Variants in COA4 observed in about 807,000 individuals in gnomAD.
COA4 encodes the protein cytochrome c oxidase assembly factor 4 homolog, mitochondrial.
COA4 carries 8 observed loss-of-function variants against 7.3 expected under a neutral mutation model. The ratio of observed to expected loss-of-function variants is 1.10; its 90% CI spans 0.64 to 1.98. The LOEUF (loss-of-function observed/expected upper bound fraction) is 1.98. COA4 is among the 30% of genes most tolerant of loss of function. COA4 has a pLI of 0.00. For missense variants in COA4, 96 were observed against 111.2 expected (o/e 0.86, Z 0.62); for synonymous variants, 42 against 44.3 (o/e 0.95, Z 0.21).
In COA4 at chr11:73,876,813, C is replaced by T. The variant is rs1028624910; in HGVS notation, c.-73G>A. ...CGCTCCTACGCGGCGGCTTGGGTTT[C>T]GCAGGCGGTTGGGGATCCTCTGTAC... On this transcript the variant is annotated 5_prime_UTR_variant, in exon 1 of 2. Transcript: ENST00000355693. 1.4e-5 allele frequency: 6 copies of T among 441,672 alleles called. No individual in the cohort carries two copies. Among genetic ancestry groups the T allele is most frequent in the African/African-American group, 1.0e-4 (5 of 49,136 alleles). 27.4% of individuals were successfully genotyped at this position (441,672 alleles called of 1,614,324 possible).
In COA4 at chr11:73,873,187, G is replaced by T. The variant is rs754139076; in HGVS notation, c.192C>A (p.Cys64Ter). Residue 64 changes from cysteine (C) to a stop codon, truncating the protein, a stop_gained, in exon 2 of 2, where the codon TGC (cysteine) becomes TGA (stop). Coordinates refer to ENST00000355693, the MANE Select transcript of COA4 (RefSeq NM_016565.3). LOFTEE classifies it high-confidence loss of function. ...CQPQVQAFKD[C>*]MSEQQARRQE... ...GCCGCCTCGCCTGCTGTTCACTCAT[G>T]CAATCCTTGAACGCCTGCACCTGTG... is the stretch of plus-strand genomic sequence containing the variant. The T allele has an allele frequency of 3.1e-6, 5 of 1,614,076 alleles. No individual in the cohort carries two copies. In the African/African-American group the frequency reaches 6.7e-5, roughly 22 times the overall value.
rs1225914324 is a variant in COA4, at chr11:73,876,801, C to A, written c.-61G>T. Reference sequence around the variant, plus strand: ...GGCCCGAACGCACGCTCCTACGCGGCGGCTTGGGTTTCGCAGGCGGTTGGG... The same window carrying A: ...GGCCCGAACGCACGCTCCTACGCGGAGGCTTGGGTTTCGCAGGCGGTTGGG... On this transcript the variant is annotated 5_prime_UTR_variant, in exon 1 of 2. Coordinates refer to ENST00000355693, the MANE Select transcript of COA4 (RefSeq NM_016565.3). 2 of 413,714 alleles carry A rather than the reference C, an allele frequency of 4.8e-6. No homozygotes were observed. The highest frequency in any genetic ancestry group is 4.5e-5 in the Admixed American group (1 of 22,206). 25.6% of individuals were successfully genotyped at this position (413,714 alleles called of 1,614,324 possible). A position where few individuals can be genotyped will look rare whatever the true frequency, so the allele number is the denominator to read the frequency against.
chr11:73,875,222 G>A (rs974550418), intron 1 of COA4, among the ~76,000 whole-genome samples: 4 of 152,186 alleles, frequency 2.6e-5, no homozygotes, highest in Admixed American at 2.0e-4. Flanking sequence ...CATACAGAAG[G>A]AACTTAAGGT....
intron 1 of COA4, among the ~76,000 whole-genome samples, chr11:73,875,195 C>A (rs1353909658): frequency 6.6e-6 from 1 of 152,212 alleles, no homozygotes; most frequent in Non-Finnish European, 1.5e-5. Context: ...TGCATCAGAA[C>A]ACTCAGCAGA....
chr11:73,872,936 T>C lies in COA4; in HGVS notation c.*179A>G, dbSNP rs936656067. On this transcript the variant is annotated 3_prime_UTR_variant, in exon 2 of 2. Transcript: ENST00000355693. ...GCTGAGAATGTATGACATCTGACCA[T>C]GAACATATGACAGCTGTTTGTGCCA... 29 of 683,226 alleles carry C rather than the reference T, an allele frequency of 4.2e-5. No homozygotes were observed. In the African/African-American group the frequency reaches 4.9e-4, roughly 11 times the overall value. 42.3% of individuals were successfully genotyped at this position (683,226 alleles called of 1,614,324 possible). A position where few individuals can be genotyped will look rare whatever the true frequency, so the allele number is the denominator to read the frequency against.
At chr11:73,876,686 GCGCGCGGCCGCTGATCGCAGCC>G in intron 1 of COA4, 49 bp downstream of exon 1, 1 of 228,500 alleles carries the variant, frequency 4.4e-6, no homozygotes, top group Middle Eastern at 1.4e-3. Flanking sequence ...ACGCATGCGC[GCGCGCGGCCGCTGATCGCAGCC>G]CCGTTGTGCC....
intron 1 of COA4, 131 bp from the exon 2 acceptor site, chr11:73,873,525 G>T: frequency 7.6e-6 from 5 of 661,352 alleles, no homozygotes; most frequent in Non-Finnish European, 9.8e-6. Flanking sequence ...TAAGCTTGAA[G>T]ACAGATGCTT....
Position 73,872,970 on chromosome 11 carries a change from C to G in COA4, c.*145G>C. The G allele has an allele frequency of 9.8e-7, 1 of 1,024,280 alleles. No individual in the cohort carries two copies. The highest frequency in any genetic ancestry group is 1.4e-6 in the Non-Finnish European group (1 of 718,198). 63.4% of individuals were successfully genotyped at this position (1,024,280 alleles called of 1,614,324 possible). A position where few individuals can be genotyped will look rare whatever the true frequency, so the allele number is the denominator to read the frequency against. On this transcript the variant is annotated 3_prime_UTR_variant, in exon 2 of 2. Coordinates refer to ENST00000355693, the MANE Select transcript of COA4 (RefSeq NM_016565.3). Reference sequence around the variant, plus strand: ...GACAGCTGTTTGTGCCAGTCATGTCCAAACCCATGGCTCTCAACTCCAGAT... The same window carrying G: ...GACAGCTGTTTGTGCCAGTCATGTCGAAACCCATGGCTCTCAACTCCAGAT...
chr11:73,875,101 C>G (rs1948727035), intron 1 of COA4, among the ~76,000 whole-genome samples: 1 of 152,158 alleles, frequency 6.6e-6, no homozygotes, highest in African/African-American at 2.4e-5. Flanking sequence ...AGAAACCTGG[C>G]CTCTGGGTCT....
chr11:73,873,720 T>A (rs953552153), intron 1 of COA4: 2 of 312,806 alleles, frequency 6.4e-6, no homozygotes, highest in Non-Finnish European at 1.2e-5. Flanking sequence ...GGTTTTTCCA[T>A]GTTGCTCAGC....
chr11:73,873,543 T>C, intron 1 of COA4, 149 bp from the exon 2 acceptor site: 1 of 706,436 alleles, frequency 1.4e-6, no homozygotes, highest in Non-Finnish European at 2.3e-6. Flanking sequence ...CTTGTTTTTT[T>C]TTTTTTTTTT....
chr11:73,873,577 C>T (rs1948712536), intron 1 of COA4, 183 bp from the exon 2 acceptor site: 1 of 600,668 alleles, frequency 1.7e-6, no homozygotes, highest in Non-Finnish European at 2.9e-6. Flanking sequence ...GCTTTGTTGC[C>T]CAGGCTCACT....
In COA4 at chr11:73,873,199, C is replaced by T. The variant is rs368985349; in HGVS notation, c.180G>A (p.Ala60=). The T allele has an allele frequency of 4.3e-5, 69 of 1,614,110 alleles. No homozygotes were observed. The highest frequency in any genetic ancestry group is 5.3e-5 in the African/African-American group (4 of 74,938). Residue 60 remains alanine (A), a synonymous_variant, in exon 2 of 2, where the codon GCG becomes GCA. Transcript: ENST00000355693. ...DWRQCQPQVQ[A]FKDCMSEQQA... is the part of the protein sequence containing the mutation. ...GCTGTTCACTCATGCAATCCTTGAA[C>T]GCCTGCACCTGTGGCTGGCATTGCC...
chr11:73,873,672 C>CCA, intron 1 of COA4: 1 of 451,010 alleles, frequency 2.2e-6, no homozygotes, highest in Non-Finnish European at 3.9e-6. Flanking sequence ...GTGTGCATCA[C>CCA]CACTCAGCTA....
At chr11:73,876,231 C>T (rs1283378774) in intron 1 of COA4, 1 of 151,586 alleles carries the variant, frequency 6.6e-6, no homozygotes, top group Non-Finnish European at 1.5e-5. Context: ...ACACTGTTAA[C>T]TCTTTAAATA....
At chr11:73,876,711 G>A (rs890126643) in intron 1 of COA4, 46 bp downstream of exon 1, 1 of 275,074 alleles carries the variant, frequency 3.6e-6, no homozygotes, top group African/African-American at 2.2e-5. Flanking sequence ...TCGCAGCCCC[G>A]TTGTGCCCGC....
chr11:73,873,034 C>T lies in COA4; in HGVS notation c.*81G>A, dbSNP rs565642033. ...CCATGTTTTAGACCTCCCACACCAG[C>T]ATTTAGGATTTCTTCCTCTATAATC... On this transcript the variant is annotated 3_prime_UTR_variant, in exon 2 of 2. Transcript: ENST00000355693. 7 of 1,500,750 alleles carry T rather than the reference C, an allele frequency of 4.7e-6. No homozygotes were observed. The highest frequency in any genetic ancestry group is 2.2e-4 in the Middle Eastern group (1 of 4,610). The allele number at this position is 1,500,750 out of a possible 1,614,324, so 93.0% of individuals were successfully genotyped here.
intron 1 of COA4, 194 bp from the exon 2 acceptor site, chr11:73,873,588 G>A (rs906504726): frequency 2.1e-5 from 12 of 566,614 alleles, no homozygotes; most frequent in Non-Finnish European, 3.3e-5. Context: ...CAGGCTCACT[G>A]TAGCCTCCAT....
intron 1 of COA4, among the ~76,000 whole-genome samples, chr11:73,874,047 G>T (rs1948716228): frequency 6.6e-6 from 1 of 152,104 alleles, no homozygotes; most frequent in African/African-American, 2.4e-5. Flanking sequence ...AGGTACGATG[G>T]CTCACACCTG....
Sources: allele counts gnomAD v4.1 joint callset (sites outside exome capture counted in the v4.1 genomes callset), GRCh38; gene constraint gnomAD v4.1.1; transcripts MANE v1.5; gene names NCBI Gene and HGNC (gene_info 2026-07-23, HGNC 2026-07-21).